The following DLG2 variants were observed in gnomAD, a reference collection of about 807,000 sequenced individuals.
The protein encoded by DLG2 is discs large MAGUK scaffold protein 2.
In DLG2, 45 loss-of-function variants were observed where a neutral mutation model predicts 132.5. The observed-to-expected ratio is 0.34, with a 90% CI of 0.27 to 0.44. DLG2 has a LOEUF of 0.44. DLG2 is among the 20% of genes least tolerant of loss of function. The pLI, the probability that DLG2 is intolerant of heterozygous loss-of-function variation, is 1.00. For synonymous variants in DLG2, 424 were observed against 419.6 expected (o/e 1.01, Z -0.13); for missense variants, 1,045 against 1,196.9 (o/e 0.87, Z 1.87).
chr11:85,466,012 A>G (rs1347794665), intron 3 of DLG2, among the ~76,000 whole-genome samples: 7 of 152,030 alleles, frequency 4.6e-5, no homozygotes, highest in Non-Finnish European at 1.0e-4. Flanking sequence ...CTGGCGTGAG[A>G]TGGTATCTCA....
intron 4 of DLG2, among the ~76,000 whole-genome samples, chr11:85,241,301 G>A (rs1299919627): frequency 6.6e-6 from 1 of 151,686 alleles, no homozygotes; most frequent in South Asian, 2.1e-4. Flanking sequence ...GGTATGGGAG[G>A]GATTAATAGT....
chr11:83,990,866 T>C (rs935678414), intron 11 of DLG2, among the ~76,000 whole-genome samples: 10 of 150,308 alleles, frequency 6.7e-5, no homozygotes, highest in Non-Finnish European at 1.2e-4. Context: ...ACATTCTGTC[T>C]ACATGGTTTT....
intron 6 of DLG2, among the ~76,000 whole-genome samples, chr11:84,535,068 G>A (rs539703038): frequency 6.6e-6 from 1 of 152,258 alleles, no homozygotes; most frequent in East Asian, 1.9e-4. Flanking sequence ...GACCAGAGTA[G>A]CTAAGTATGT....
Position 84,900,880 on chromosome 11 carries a change from C to T in DLG2, c.357+210781G>A, listed in dbSNP as rs573124173. 3.3e-4 allele frequency among the ~76,000 whole-genome samples: 50 copies of T among 151,922 alleles called. 1 individual carries two copies. The Middle Eastern group carries it at 0.014, about 41-fold the overall frequency. ...TAACCCTTGAGATCAAAATGTCAAC[C>T]TCAGTATTAATTTTCAGTACACAAT... is the stretch of plus-strand genomic sequence containing the variant. On this transcript the variant is annotated intron_variant, in intron 6 of 27. Coordinates refer to ENST00000376104, the MANE Select transcript of DLG2 (RefSeq NM_001142699.3).
chr11:83,549,702 C>A (rs1282907731), intron 19 of DLG2, among the ~76,000 whole-genome samples: 1 of 152,112 alleles, frequency 6.6e-6, no homozygotes, highest in Non-Finnish European at 1.5e-5. Context: ...ATAAAAATCA[C>A]AATTTTCTAT....
chr11:85,125,010 T>C (rs1277270205), intron 5 of DLG2, among the ~76,000 whole-genome samples: 1 of 152,164 alleles, frequency 6.6e-6, no homozygotes, highest in Non-Finnish European at 1.5e-5. Flanking sequence ...TTTTGTATTT[T>C]TAGTAGATAC....
chr11:85,118,959 C>T (rs1594470645), intron 5 of DLG2, among the ~76,000 whole-genome samples: 1 of 151,468 alleles, frequency 6.6e-6, no homozygotes, highest in Non-Finnish European at 1.5e-5. Context: ...AAGATAAATA[C>T]TATATAATTT....
At chr11:84,994,176 C>G (rs898123732) in intron 6 of DLG2, among the ~76,000 whole-genome samples, 6 of 152,118 alleles carry the variant, frequency 3.9e-5, no homozygotes, top group African/African-American at 1.4e-4. Flanking sequence ...ATATGTAGTC[C>G]AGGTTTAGCT....
chr11:83,633,956 AAAAC>A (rs1312745324), intron 18 of DLG2, among the ~76,000 whole-genome samples: 27 of 138,440 alleles, frequency 2.0e-4, no homozygotes, highest in African/African-American at 9.1e-4. Flanking sequence ...CAAAAAGCAA[AAAAC>A]AAAAAACAAA....
chr11:84,822,367 A>C (rs539417733), intron 6 of DLG2, among the ~76,000 whole-genome samples: 6 of 151,836 alleles, frequency 4.0e-5, no homozygotes, highest in Non-Finnish European at 8.8e-5. Context: ...GGGTAAGCTT[A>C]TTTTTTAAAA....
Position 84,534,678 on chromosome 11 carries a change from T to C in DLG2, c.411A>G (p.Leu137=). ...DAPHDHSLPR[L]THEVRGPELV... ...GTTCTGGGCCTCTTACTTCGTGGGT[T>C]AGTCGAGGTAAGGAATGATCATGTG... The change falls in exon 7 of 28, where the codon CTA becomes CTG. Residue 137 remains leucine, a synonymous_variant. Coordinates refer to ENST00000376104, the MANE Select transcript of DLG2 (RefSeq NM_001142699.3). 2 of 1,614,094 alleles carry C rather than the reference T, an allele frequency of 1.2e-6. No homozygotes were observed. The highest frequency in any genetic ancestry group is 1.6e-4 in the Middle Eastern group (1 of 6,062).
At chr11:83,982,006 G>A (rs1281206465) in intron 11 of DLG2, among the ~76,000 whole-genome samples, 2 of 152,130 alleles carry the variant, frequency 1.3e-5, no homozygotes, top group East Asian at 1.9e-4. Context: ...ATTGCCAAGT[G>A]ACATCATAGT....
intron 2 of DLG2, among the ~76,000 whole-genome samples, chr11:85,615,757 GT>G (rs55895635): frequency 6.6e-6 from 1 of 151,694 alleles, no homozygotes; most frequent in African/African-American, 2.4e-5. Flanking sequence ...GTTATAACCT[GT>G]TTTTTTTAAA....
intron 3 of DLG2, among the ~76,000 whole-genome samples, chr11:85,459,891 T>C (rs990203326): frequency 1.3e-5 from 2 of 152,188 alleles, no homozygotes; most frequent in African/African-American, 4.8e-5. Context: ...GGTCCAGGAC[T>C]CATGTGTAGA....
intron 9 of DLG2, among the ~76,000 whole-genome samples, chr11:84,142,712 A>G (rs927442677): frequency 2.0e-5 from 3 of 152,112 alleles, no homozygotes; most frequent in Non-Finnish European, 2.9e-5. Flanking sequence ...GACATCCATT[A>G]TCTCTTCCTA....
chr11:85,376,539 G>A (rs2085419560), intron 3 of DLG2, among the ~76,000 whole-genome samples: 1 of 152,042 alleles, frequency 6.6e-6, no homozygotes, highest in Non-Finnish European at 1.5e-5. Context: ...GAGAGCAGAT[G>A]TTCTTTCAGT....
At chr11:83,575,157 G>T (rs1213490103) in intron 19 of DLG2, among the ~76,000 whole-genome samples, 1 of 152,180 alleles carries the variant, frequency 6.6e-6, no homozygotes, top group Non-Finnish European at 1.5e-5. Context: ...TGGAATGAGA[G>T]AAATCAGCTT....
intron 6 of DLG2, among the ~76,000 whole-genome samples, chr11:84,856,684 T>G (rs1300389910): frequency 6.6e-6 from 1 of 152,034 alleles, no homozygotes; most frequent in Non-Finnish European, 1.5e-5. Context: ...GAAAATCAGA[T>G]CATATCCCAC....
intron 4 of DLG2, among the ~76,000 whole-genome samples, chr11:85,261,835 A>G (rs2076958062): frequency 6.6e-6 from 1 of 152,136 alleles, no homozygotes; most frequent in South Asian, 2.1e-4. Context: ...GGCGGCCCTT[A>G]AAAGTGACAT....
Sources: gnomAD v4.1 joint callset for allele counts (sites outside exome capture counted in the v4.1 genomes callset) on GRCh38, gnomAD v4.1.1 for gene constraint, MANE v1.5 for transcripts, NCBI Gene and HGNC (gene_info 2026-07-23, HGNC 2026-07-21) for gene names.